Variants in OTOGL observed in about 807,000 individuals in gnomAD.
The protein encoded by OTOGL is otogelin like.
A neutral mutation model predicts 318.5 loss-of-function variants in OTOGL; 285 were observed. The ratio of observed to expected loss-of-function variants is 0.89; its 90% CI spans 0.81 to 0.99. The LOEUF (loss-of-function observed/expected upper bound fraction) is 0.99, where lower values mean the gene tolerates loss of function less well. Among genes scored for constraint, OTOGL ranks in the 50% least tolerant of loss-of-function variants. The pLI is 0.00. For missense variants in OTOGL, 2,899 were observed against 2,845.6 expected (o/e 1.02, Z -0.43); for synonymous variants, 987 against 936.5 (o/e 1.05, Z -0.99).
intron 1 of OTOGL, among the ~76,000 whole-genome samples, chr12:80,192,259 T>C (rs1875747132): frequency 6.6e-6 from 1 of 152,200 alleles, no homozygotes; most frequent in African/African-American, 2.4e-5. Context: ...CTTTGCTGTG[T>C]GGTTGATTTT....
chr12:80,118,610 A>T (rs1197499285), intron 1 of OTOGL, among the ~76,000 whole-genome samples: 1 of 152,202 alleles, frequency 6.6e-6, no homozygotes, highest in East Asian at 1.9e-4. Flanking sequence ...AGTAATGTGA[A>T]ATATGGTTTA....
intron 18 of OTOGL, among the ~76,000 whole-genome samples, chr12:80,259,289 C>G (rs969583469): frequency 6.6e-6 from 1 of 151,180 alleles, no homozygotes; most frequent in Non-Finnish European, 1.5e-5. Flanking sequence ...GGCTGGGCAG[C>G]CAGGGGACAT....
chr12:80,118,189 G>A (rs1870278078), intron 1 of OTOGL, among the ~76,000 whole-genome samples: 1 of 152,196 alleles, frequency 6.6e-6, no homozygotes, highest in Non-Finnish European at 1.5e-5. Context: ...GGGAAGAGGT[G>A]AGTTTGGCAG....
At chr12:80,303,242 G>A (rs953128075) in intron 28 of OTOGL, among the ~76,000 whole-genome samples, 2 of 152,120 alleles carry the variant, frequency 1.3e-5, no homozygotes, top group Non-Finnish European at 2.9e-5. Flanking sequence ...TGCAAGCTCC[G>A]CCTCCCGGGT....
intron 1 of OTOGL, among the ~76,000 whole-genome samples, chr12:80,204,676 G>A (rs1409745575): frequency 2.0e-5 from 3 of 151,958 alleles, no homozygotes; most frequent in Admixed American, 2.0e-4. Context: ...AAAGTACTTG[G>A]AAGTACGGAA....
intron 1 of OTOGL, among the ~76,000 whole-genome samples, chr12:80,169,102 T>C (rs1032788719): frequency 6.6e-6 from 1 of 152,202 alleles, no homozygotes; most frequent in Non-Finnish European, 1.5e-5. Context: ...TTTCTAACAG[T>C]GTACAGTGTA....
Position 80,249,063 on chromosome 12 carries a change from C to A in OTOGL, c.1053-2630C>A, listed in dbSNP as rs1414074854. On this transcript the variant is annotated intron_variant, in intron 11 of 58. Coordinates refer to ENST00000547103, the MANE Select transcript of OTOGL (RefSeq NM_001378609.3). ...GTATTGGTTATTCTAGTTATACATT[C>A]TTCTAAATTTTTTTCAAAGTTTTCA... is the stretch of plus-strand genomic sequence containing the variant. 5.5e-5 allele frequency among the ~76,000 whole-genome samples: 8 copies of A among 146,232 alleles called. No individual in the cohort carries two copies. In the South Asian group the frequency reaches 8.6e-4, roughly 16 times the overall value.
At chr12:80,152,176 T>C (rs1255092290) in intron 1 of OTOGL, among the ~76,000 whole-genome samples, 1 of 152,066 alleles carries the variant, frequency 6.6e-6, no homozygotes, top group Non-Finnish European at 1.5e-5. Flanking sequence ...TTAGGCTCTG[T>C]GTCAGAGAGG....
intron 1 of OTOGL, among the ~76,000 whole-genome samples, chr12:80,192,978 C>T (rs756116583): frequency 1.1e-4 from 15 of 142,684 alleles, no homozygotes; most frequent in Middle Eastern, 3.6e-3. Flanking sequence ...AGTATGGGCT[C>T]ATTGAAAATA....
rs1555304858 is a variant in OTOGL, at chr12:80,366,530, T to TAA, written c.6268-41_6268-40dup. The TAA allele has an allele frequency of 1.1e-3, 382 of 355,340 alleles. 2 individuals carry two copies. Among genetic ancestry groups the TAA allele is most frequent in the Middle Eastern group, 4.0e-3 (6 of 1,518 alleles). The allele number at this position is 355,340 out of a possible 1,614,324, so 22.0% of individuals were successfully genotyped here. A position where few individuals can be genotyped will look rare whatever the true frequency, so the allele number is the denominator to read the frequency against. On this transcript the variant is annotated intron_variant, in intron 52 of 58. Coordinates refer to ENST00000547103, the MANE Select transcript of OTOGL (RefSeq NM_001378609.3). ...TATAGGTTATATATATATATATATA[T>TAA]AAAATAAGCTAAATGATAAGTAATA...
intron 11 of OTOGL, among the ~76,000 whole-genome samples, chr12:80,250,956 A>C (rs569958071): frequency 6.6e-5 from 10 of 152,330 alleles, no homozygotes; most frequent in African/African-American, 2.4e-4. Flanking sequence ...ATAAGAAAAT[A>C]ATTAAAGATT....
chr12:80,265,257 A>G, intron 20 of OTOGL, 47 bp downstream of exon 20: 2 of 1,520,418 alleles, frequency 1.3e-6, no homozygotes, highest in African/African-American at 2.7e-5. Flanking sequence ...TACCTTAGAG[A>G]CCTCTATGTT....
rs1426780756 is a variant in OTOGL at position 80,368,286 on chromosome 12, A to G, written c.6592A>G (p.Asn2198Asp). The G allele has an allele frequency of 6.3e-7, 1 of 1,595,102 alleles. No homozygotes were observed. Among genetic ancestry groups the G allele is most frequent in the South Asian group, 1.1e-5 (1 of 88,534 alleles). ...TGTATCCTGCAAATTTCACATGGAA[A>G]ATGGAACATCAGTTGTATACGCGGT... ...KNVSCKFHMENGTSVVYAVGS... is the reference protein window; with the variant it reads ...KNVSCKFHMEDGTSVVYAVGS... The change falls in exon 55 of 59, where the codon AAT (asparagine) becomes GAT (aspartate). Residue 2198 changes from asparagine (N) to aspartate (D), a missense_variant. Asn to Asp is a conservative substitution (Grantham distance 23, BLOSUM62 1). This residue lies in a region of OTOGL where 289 missense variants were observed against 304.6 expected (regional missense o/e 0.95). Transcript: ENST00000547103.
At chr12:80,343,509 G>GTTTTTTTTTTTTTTTTTTTTTCTTT (rs1888939964) in intron 44 of OTOGL, 1 of 35,868 alleles carries the variant, frequency 2.8e-5, no homozygotes, top group African/African-American at 1.1e-4. Context: ...TTTTATTCTT[G>GTTTTTTTTTTTTTTTTTTTTTCTTT]TTTTTTTTTT....
intron 1 of OTOGL, among the ~76,000 whole-genome samples, chr12:80,155,001 A>G (rs1326007767): frequency 6.6e-6 from 1 of 152,100 alleles, no homozygotes; most frequent in African/African-American, 2.4e-5. Context: ...GTATCACATT[A>G]TTGTTTTAAT....
chr12:80,227,358 A>G (rs985065998), intron 7 of OTOGL, among the ~76,000 whole-genome samples: 1 of 152,154 alleles, frequency 6.6e-6, no homozygotes, highest in Admixed American at 6.6e-5. Context: ...GATATCAACT[A>G]TGTATTTTTA....
At chr12:80,229,949 A>G (rs1014211336) in intron 8 of OTOGL, among the ~76,000 whole-genome samples, 2 of 151,368 alleles carry the variant, frequency 1.3e-5, no homozygotes, top group South Asian at 4.2e-4. Flanking sequence ...AAAATATGAC[A>G]TGAGAATTTT....
chr12:80,302,653 TG>T lies in OTOGL; in HGVS notation c.3085del (p.Glu1029LysfsTer15). The stretch of plus-strand genomic sequence containing the variant: ...TTTAAGAAACAATCAGGTTTTTTTC[TG>T]GAAAACAAATCTACCTACCAGCTTT... ...PYKQKQSGFF[L>X]ENKSTYQLWK... On this transcript the variant is annotated frameshift_variant, in exon 28 of 59. Transcript: ENST00000547103. LOFTEE classifies it high-confidence loss of function. 1 of 1,381,512 alleles carries T rather than the reference TG, an allele frequency of 7.2e-7. No individual in the cohort carries two copies. The highest frequency in any genetic ancestry group is 1.8e-5 in the South Asian group (1 of 56,894). 85.6% of individuals were successfully genotyped at this position (1,381,512 alleles called of 1,614,324 possible). A position where few individuals can be genotyped will look rare whatever the true frequency, so the allele number is the denominator to read the frequency against.
At chr12:80,332,209 T>C (rs1888118382) in intron 37 of OTOGL, among the ~76,000 whole-genome samples, 1 of 152,212 alleles carries the variant, frequency 6.6e-6, no homozygotes, top group Non-Finnish European at 1.5e-5. Context: ...GAAATATGTG[T>C]ACATTGTGAA....
Sources: gnomAD v4.1 joint callset for allele counts (sites outside exome capture counted in the v4.1 genomes callset) on GRCh38, gnomAD v4.1.1 for gene constraint, gnomAD v4.1.1 regional missense constraint, MANE v1.5 for transcripts, NCBI Gene and HGNC (gene_info 2026-07-23, HGNC 2026-07-21) for gene names.